The following PCDHA10 variants were observed in gnomAD, a reference collection of about 807,000 sequenced individuals.
The protein encoded by PCDHA10 is protocadherin alpha-10.
In PCDHA10, 45 loss-of-function variants were observed where a neutral mutation model predicts 61.2. The ratio of observed to expected loss-of-function variants is 0.74; its 90% CI spans 0.58 to 0.94. The LOEUF (loss-of-function observed/expected upper bound fraction) is 0.94. PCDHA10 is among the 40% of genes least tolerant of loss of function. PCDHA10 has a pLI of 0.00. For synonymous variants in PCDHA10, 602 were observed against 548.8 expected (o/e 1.10, Z -1.35); for missense variants, 1,278 against 1,236.2 (o/e 1.03, Z -0.51).
chr5:140,987,078 G>T (rs1158243032), intron 3 of PCDHA10, among the ~76,000 whole-genome samples: 4 of 152,026 alleles, frequency 2.6e-5, no homozygotes, highest in Non-Finnish European at 5.9e-5. Context: ...GCTGGGCGTG[G>T]TGGCAGGTGC....
intron 1 of PCDHA10, among the ~76,000 whole-genome samples, chr5:140,945,201 T>C (rs1168662297): frequency 2.6e-5 from 4 of 152,054 alleles, no homozygotes; most frequent in Non-Finnish European, 5.9e-5. Flanking sequence ...CTATTTACAA[T>C]AGCTATGAGA....
chr5:140,948,029 T>A (rs1372869400), intron 1 of PCDHA10, among the ~76,000 whole-genome samples: 1 of 151,594 alleles, frequency 6.6e-6, no homozygotes, highest in African/African-American at 2.4e-5. Flanking sequence ...TCTGGTTTGC[T>A]CAGAGTTTTA....
In PCDHA10 at chr5:140,877,342, G is replaced by A. The variant is rs1462091033; in HGVS notation, c.2388+18906G>A. On this transcript the variant is annotated intron_variant, in intron 1 of 3. Coordinates refer to ENST00000307360, the MANE Select transcript of PCDHA10 (RefSeq NM_018901.4). ...GGTCGGCGCGCACATCCCGTTCCACGTGGGGCTGTACACTGGCGAGATCAG... is the reference window on the plus strand; with the variant it reads ...GGTCGGCGCGCACATCCCGTTCCACATGGGGCTGTACACTGGCGAGATCAG... 5 of 1,613,904 alleles carry A rather than the reference G, an allele frequency of 3.1e-6. No individual in the cohort carries two copies. The African/African-American group carries it at 6.7e-5, about 22-fold the overall frequency.
intron 1 of PCDHA10, chr5:140,929,632 C>T: frequency 2.6e-6 from 1 of 387,580 alleles, no homozygotes; most frequent in Admixed American, 4.5e-5. Flanking sequence ...TTATAAGCAA[C>T]AGATGTGTAA....
intron 1 of PCDHA10, among the ~76,000 whole-genome samples, chr5:140,934,320 T>C (rs910163789): frequency 6.6e-6 from 1 of 152,154 alleles, no homozygotes; most frequent in Non-Finnish European, 1.5e-5. Flanking sequence ...AAATGTCCAA[T>C]CATGAATGTA....
At chr5:140,884,532 G>A in intron 1 of PCDHA10, 2 of 1,614,042 alleles carry the variant, frequency 1.2e-6, no homozygotes, top group South Asian at 2.2e-5. Flanking sequence ...CAGCAGAGGC[G>A]GCCGAGGGTG....
At chr5:140,936,112 C>T (rs782017334) in intron 1 of PCDHA10, among the ~76,000 whole-genome samples, 2 of 152,008 alleles carry the variant, frequency 1.3e-5, no homozygotes, top group Non-Finnish European at 2.9e-5. Context: ...AGGCTGGTCT[C>T]GAACTCCTGA....
chr5:141,011,924 AG>A lies in PCDHA10; in HGVS notation c.*1989del, dbSNP rs1246091886. Reference sequence around the variant, plus strand: ...ATTTAGGCATTAATATAAAAGAGGTAGGAGTCTGTTATTTAAAAAAAGCATT... The same window carrying A: ...ATTTAGGCATTAATATAAAAGAGGTAGAGTCTGTTATTTAAAAAAAGCATT... On this transcript the variant is annotated 3_prime_UTR_variant, in exon 4 of 4. Coordinates refer to ENST00000307360, the MANE Select transcript of PCDHA10 (RefSeq NM_018901.4). 1 of 153,728 alleles carries A rather than the reference AG, an allele frequency of 6.5e-6. No homozygotes were observed. Among genetic ancestry groups the A allele is most frequent in the Non-Finnish European group, 1.5e-5 (1 of 68,042 alleles). 9.5% of individuals were successfully genotyped at this position (153,728 alleles called of 1,614,324 possible).
intron 1 of PCDHA10, among the ~76,000 whole-genome samples, chr5:140,898,104 A>G (rs1220718510): frequency 2.0e-5 from 3 of 152,110 alleles, no homozygotes; most frequent in Middle Eastern, 3.4e-3. Flanking sequence ...TTGTCAGATG[A>G]GTAGGTTGCG....
At chr5:141,002,203 G>T (rs2153973237) in intron 3 of PCDHA10, among the ~76,000 whole-genome samples, 1 of 152,296 alleles carries the variant, frequency 6.6e-6, no homozygotes, top group East Asian at 1.9e-4. Flanking sequence ...ATAGTCCCCG[G>T]CTTTAATCAA....
chr5:140,871,208 C>A (rs782698436), intron 1 of PCDHA10: 1 of 1,613,802 alleles, frequency 6.2e-7, no homozygotes, highest in Non-Finnish European at 8.5e-7. Context: ...CTGATCATCG[C>A]CATCTGCGTG....
chr5:140,875,261 G>A lies in PCDHA10; in HGVS notation c.2388+16825G>A. ...CTTACATAATCAGTCACATGATGTC[G>A]CTCTACACTCAGAAGGTGAAACAGG... On this transcript the variant is annotated intron_variant, in intron 1 of 3. Transcript: ENST00000307360. 4.4e-6 allele frequency: 5 copies of A among 1,130,464 alleles called. No individual in the cohort carries two copies. In the South Asian group the frequency reaches 7.4e-5, roughly 17 times the overall value. 70.0% of individuals were successfully genotyped at this position (1,130,464 alleles called of 1,614,324 possible).
intron 3 of PCDHA10, among the ~76,000 whole-genome samples, chr5:140,987,478 T>A (rs2097255782): frequency 6.6e-6 from 1 of 152,104 alleles, no homozygotes. Flanking sequence ...AGCTTGGGAG[T>A]CAGTGACCCT....
intron 1 of PCDHA10, among the ~76,000 whole-genome samples, chr5:140,961,681 G>A (rs911141843): frequency 3.9e-5 from 6 of 152,152 alleles, no homozygotes; most frequent in African/African-American, 9.7e-5. Context: ...TAATTAAGCC[G>A]GAGTAGTCCT....
chr5:140,904,177 AC>A (rs1185990725), intron 1 of PCDHA10, among the ~76,000 whole-genome samples: 1 of 151,302 alleles, frequency 6.6e-6, no homozygotes, highest in Non-Finnish European at 1.5e-5. Flanking sequence ...TTTATTCCTC[AC>A]CCCCTTCCCA....
chr5:140,927,901 G>A lies in PCDHA10; in HGVS notation c.2389-51048G>A, dbSNP rs370478984. On this transcript the variant is annotated intron_variant, in intron 1 of 3. Transcript: ENST00000307360. ...GGAGGTGACTGACGTGAACGATCAT[G>A]CCCCCGAACTGGACTTCCTGACTCT... The A allele has an allele frequency of 6.2e-6, 10 of 1,614,084 alleles. No individual in the cohort carries two copies. Among genetic ancestry groups the A allele is most frequent in the Non-Finnish European group, 8.5e-6 (10 of 1,180,046 alleles).
chr5:140,881,362 G>C, intron 1 of PCDHA10: 6 of 985,132 alleles, frequency 6.1e-6, no homozygotes, highest in Non-Finnish European at 7.2e-6. Context: ...CGTGGCTTTC[G>C]TATGAATTGC....
intron 1 of PCDHA10, among the ~76,000 whole-genome samples, chr5:140,970,194 A>G (rs1202666673): frequency 6.6e-6 from 1 of 152,204 alleles, no homozygotes; most frequent in African/African-American, 2.4e-5. Context: ...TTGTAAGAGG[A>G]TTTCCCTGAA....
At chr5:140,883,547 G>GC in intron 1 of PCDHA10, 5 of 1,614,234 alleles carry the variant, frequency 3.1e-6, no homozygotes, top group Non-Finnish European at 3.4e-6. Context: ...GGTGGTGACC[G>GC]CGCGGGACGG....
Sources: allele counts gnomAD v4.1 joint callset (sites outside exome capture counted in the v4.1 genomes callset), GRCh38; gene constraint gnomAD v4.1.1; transcripts MANE v1.5; gene names NCBI Gene and HGNC (gene_info 2026-07-23, HGNC 2026-07-21).